The following TRIM55 variants were observed in gnomAD, a reference collection of about 807,000 sequenced individuals.
TRIM55 encodes the protein tripartite motif-containing protein 55.
TRIM55 carries 50 observed loss-of-function variants against 60.9 expected under a neutral mutation model. That is an observed-to-expected ratio of 0.82 (90% confidence interval 0.65 to 1.04). The LOEUF (loss-of-function observed/expected upper bound fraction) is 1.04, where lower values mean the gene tolerates loss of function less well. Ranked by LOEUF, TRIM55 falls within the 50% of genes least tolerant of loss-of-function variation. The pLI, the probability that TRIM55 is intolerant of heterozygous loss-of-function variation, is 0.00. For missense variants in TRIM55, 681 were observed against 666.9 expected (o/e 1.02, Z -0.23); for synonymous variants, 237 against 238.1 (o/e 1.00, Z 0.04).
chr8:66,129,338 C>T (rs1387820435), intron 2 of TRIM55, among the ~76,000 whole-genome samples: 1 of 152,138 alleles, frequency 6.6e-6, no homozygotes, highest in Non-Finnish European at 1.5e-5. Context: ...GTCCACAAAG[C>T]TTGATAGCAA....
At chr8:66,171,659 T>G (rs767042798) in intron 9 of TRIM55, among the ~76,000 whole-genome samples, 27 of 152,220 alleles carry the variant, frequency 1.8e-4, no homozygotes, top group Non-Finnish European at 3.5e-4. Context: ...GAAATAGCAC[T>G]TTCTGTGATA....
chr8:66,130,457 C>T (rs1809073134), intron 2 of TRIM55, among the ~76,000 whole-genome samples: 1 of 151,860 alleles, frequency 6.6e-6, no homozygotes, highest in Non-Finnish European at 1.5e-5. Context: ...GGGCAGACAG[C>T]CTTACTAGAC....
chr8:66,131,099 T>C (rs974847216), intron 2 of TRIM55, among the ~76,000 whole-genome samples: 1 of 152,100 alleles, frequency 6.6e-6, no homozygotes, highest in African/African-American at 2.4e-5. Flanking sequence ...ATATAACAAG[T>C]AAAACTACTA....
chr8:66,155,716 A>G, intron 9 of TRIM55: 2 of 1,581,348 alleles, frequency 1.3e-6, no homozygotes, highest in Admixed American at 1.7e-5. Flanking sequence ...AATGGGTAGG[A>G]AATATTTTCT....
chr8:66,134,328 A>G (rs1299836506), intron 2 of TRIM55, among the ~76,000 whole-genome samples: 1 of 152,224 alleles, frequency 6.6e-6, no homozygotes, highest in Non-Finnish European at 1.5e-5. Flanking sequence ...GGTTTATATA[A>G]GGAGGTACAC....
At chr8:66,159,167 C>T (rs182446438) in intron 9 of TRIM55, among the ~76,000 whole-genome samples, 1 of 152,286 alleles carries the variant, frequency 6.6e-6, no homozygotes, top group Admixed American at 6.5e-5. Context: ...CAGAAAGTTC[C>T]CTCATGTGTC....
Position 66,135,037 on chromosome 8 carries a change from A to G in TRIM55, c.389A>G (p.Glu130Gly). 3.1e-6 allele frequency: 5 copies of G among 1,614,190 alleles called. No homozygotes were observed. The highest frequency in any genetic ancestry group is 4.2e-6 in the Non-Finnish European group (5 of 1,180,040). ...DQPMCEEHEEERINIYCLNCE... is the reference protein window; with the variant it reads ...DQPMCEEHEEGRINIYCLNCE... ...CCCATGTGCGAGGAACATGAAGAGG[A>G]GCGCATCAACATCTACTGTCTGAAC... is the stretch of plus-strand genomic sequence containing the variant. The change falls in exon 3 of 10, where the codon GAG becomes GGG. Residue 130 changes from glutamate to glycine, a missense_variant. Coordinates refer to ENST00000315962, the MANE Select transcript of TRIM55 (RefSeq NM_184085.2).
At chr8:66,145,891 G>A (rs1810071344) in intron 4 of TRIM55, among the ~76,000 whole-genome samples, 1 of 152,196 alleles carries the variant, frequency 6.6e-6, no homozygotes, top group African/African-American at 2.4e-5. Flanking sequence ...GCCCAGCTGG[G>A]TGTGGTGAGA....
At chr8:66,130,071 G>A (rs983016414) in intron 2 of TRIM55, among the ~76,000 whole-genome samples, 3 of 152,178 alleles carry the variant, frequency 2.0e-5, no homozygotes, top group African/African-American at 7.2e-5. Flanking sequence ...TTTGTTACTT[G>A]TCACAGTGGG....
chr8:66,173,222 A>G (rs1426582734), intron 9 of TRIM55, among the ~76,000 whole-genome samples: 3 of 152,330 alleles, frequency 2.0e-5, no homozygotes, highest in East Asian at 3.8e-4. Context: ...ACTGTGGCTA[A>G]TATGATTTCA....
At chr8:66,124,572 A>G (rs938781203), upstream of TRIM55, among the ~76,000 whole-genome samples, 2 of 152,054 alleles carry the variant, frequency 1.3e-5, no homozygotes, top group African/African-American at 4.8e-5. Flanking sequence ...CCCACCCATG[A>G]AGCCCTTCTG....
chr8:66,127,120 C>T (rs530537419), upstream of TRIM55: 4 of 870,934 alleles, frequency 4.6e-6, no homozygotes, highest in African/African-American at 5.1e-5. Context: ...CCAGCACCCA[C>T]TCCAAACCAG....
intron 9 of TRIM55, among the ~76,000 whole-genome samples, chr8:66,158,305 A>G (rs1052605108): frequency 9.2e-5 from 14 of 152,184 alleles, no homozygotes; most frequent in African/African-American, 3.1e-4. Context: ...ACCAGAACAC[A>G]AAGTTGCAGT....
the TRIM55 span, among the ~76,000 whole-genome samples, chr8:66,118,741 TG>T: frequency 1.3e-5 from 2 of 152,186 alleles, no homozygotes; most frequent in African/African-American, 4.8e-5. Context: ...ATGCCTTCTG[TG>T]GTCAGATGGG....
intron 9 of TRIM55, among the ~76,000 whole-genome samples, chr8:66,159,141 A>C (rs1810908202): frequency 6.6e-6 from 1 of 152,238 alleles, no homozygotes; most frequent in East Asian, 1.9e-4. Context: ...TAAGATGTAG[A>C]ATATTTTCAT....
chr8:66,130,636 A>G (rs566188530), intron 2 of TRIM55, among the ~76,000 whole-genome samples: 1 of 150,228 alleles, frequency 6.7e-6, no homozygotes, highest in East Asian at 1.9e-4. Context: ...TGGAGACTGT[A>G]AGTCTCCACA....
At chr8:66,142,100 C>A (rs79542308) in intron 4 of TRIM55, among the ~76,000 whole-genome samples, 2,348 of 152,336 alleles carry the variant, frequency 0.015, 31 homozygotes, top group Non-Finnish European at 0.025. Flanking sequence ...ACCTTCTTCA[C>A]AGCATTGTCA....
intron 2 of TRIM55, among the ~76,000 whole-genome samples, chr8:66,134,509 A>G (rs1809363054): frequency 6.6e-6 from 1 of 152,088 alleles, no homozygotes; most frequent in African/African-American, 2.4e-5. Context: ...AGCTGGTGCA[A>G]ACTCGACTTT....
At chr8:66,152,328 T>A in intron 7 of TRIM55, 49 bp from the exon 8 acceptor site, 1 of 1,533,044 alleles carries the variant, frequency 6.5e-7, no homozygotes, top group Non-Finnish European at 8.7e-7. Context: ...ACTGTGTCCA[T>A]GGCTGCAGAG....
Sources: allele counts gnomAD v4.1 joint callset (sites outside exome capture counted in the v4.1 genomes callset), GRCh38; gene constraint gnomAD v4.1.1; transcripts MANE v1.5; gene names NCBI Gene and HGNC (gene_info 2026-07-23, HGNC 2026-07-21).